Variants in TRIM72 observed in about 807,000 individuals in gnomAD.
TRIM72 encodes the protein tripartite motif containing 72, also known as tripartite motif-containing protein 72.
In TRIM72, 33 loss-of-function variants were observed where a neutral mutation model predicts 31.6. The observed-to-expected ratio is 1.04, with a 90% CI of 0.79 to 1.40. TRIM72 has a LOEUF of 1.40. Ranked by LOEUF, TRIM72 falls within the 40% of genes most tolerant of loss-of-function variation. TRIM72 has a pLI of 0.00. For synonymous variants in TRIM72, 301 were observed against 314.4 expected (o/e 0.96, Z 0.45); for missense variants, 666 against 682.7 (o/e 0.98, Z 0.27).
In TRIM72 at chr16:31,222,878, G is replaced by A; in HGVS notation, c.792G>A (p.Gln264=). 2.1e-6 allele frequency: 3 copies of A among 1,449,074 alleles called. No individual in the cohort carries two copies. Among genetic ancestry groups the A allele is most frequent in the Non-Finnish European group, 2.7e-6 (3 of 1,094,944 alleles). The allele number at this position is 1,449,074 out of a possible 1,614,324, so 89.8% of individuals were successfully genotyped here. ...CCCCACCCGCCCGTCTGGACATCCAGCTGCCAATTATCTCAGATGACTTCA... is the reference window on the plus strand; with the variant it reads ...CCCCACCCGCCCGTCTGGACATCCAACTGCCAATTATCTCAGATGACTTCA... ...ESPPPARLDI[Q]LPIISDDFKF... The change falls in exon 6 of 7, where the codon CAG becomes CAA. Residue 264 remains glutamine, a synonymous_variant. Transcript: ENST00000322122.
In TRIM72 at chr16:31,219,710, A is replaced by G. The variant is rs1486452803; in HGVS notation, c.717+191A>G. ...CATAAGGACATTGTATTAAGTGAGC[A>G]CTATTCATATCATAGACATTGTAGG... On this transcript the variant is annotated intron_variant, in intron 4 of 6. Transcript: ENST00000322122. The surrounding 1 kb of genome is among the most constrained non-coding windows in gnomAD (Gnocchi z 4.2). Among the ~76,000 whole-genome samples the G allele has an allele frequency of 6.6e-6, 1 of 152,196 alleles. No homozygotes were observed. The highest frequency in any genetic ancestry group is 1.5e-5 in the Non-Finnish European group (1 of 68,040).
rs924050659 is a variant in TRIM72, at chr16:31,223,942, T to C, written c.860-239T>C. 4.6e-5 allele frequency among the ~76,000 whole-genome samples: 7 copies of C among 151,592 alleles called. No homozygotes were observed. In the South Asian group the frequency reaches 8.3e-4, roughly 18 times the overall value. ...AAACAAAAACAAAAAACAACAACAA[T>C]AACAACAACAAAAACAAAAAGAAAA... is the stretch of plus-strand genomic sequence containing the variant. On this transcript the variant is annotated intron_variant, in intron 6 of 6. Coordinates refer to ENST00000322122, the MANE Select transcript of TRIM72 (RefSeq NM_001008274.4).
At chr16:31,217,366 G>T in intron 2 of TRIM72, 1 of 272,366 alleles carries the variant, frequency 3.7e-6, no homozygotes, top group Non-Finnish European at 7.0e-6. Flanking sequence ...TTGTAGCCTG[G>T]CATGGTTGCT....
At position 31,214,953 on chromosome 16, in the gene TRIM72, C is replaced by T. The variant is rs1432848023; in HGVS notation, c.215C>T (p.Ala72Val). The stretch of plus-strand genomic sequence containing the variant: ...GCACTCAGCACCAACCTGCAGCTGG[C>T]GCGCCTGGTGGAGGGGCTGGCCCAG... ...PQALSTNLQL[A>V]RLVEGLAQVP... Residue 72 changes from alanine (A) to valine (V), a missense_variant, in exon 2 of 7, where the codon GCG becomes GTG. Physicochemically the swap from Ala to Val is moderately conservative, Grantham distance 64 (BLOSUM62 0). Coordinates refer to ENST00000322122, the MANE Select transcript of TRIM72 (RefSeq NM_001008274.4). The T allele has an allele frequency of 1.9e-5, 29 of 1,489,060 alleles. No homozygotes were observed. The highest frequency in any genetic ancestry group is 2.6e-5 in the Non-Finnish European group (29 of 1,127,716). The allele number at this position is 1,489,060 out of a possible 1,614,324, so 92.2% of individuals were successfully genotyped here.
chr16:31,225,146 CG>C lies in TRIM72; in HGVS notation c.*393del, dbSNP rs2079551000. 1.9e-5 allele frequency: 3 copies of C among 155,076 alleles called. No individual in the cohort carries two copies. Among genetic ancestry groups the C allele is most frequent in the African/African-American group, 7.3e-5 (3 of 40,836 alleles). The allele number at this position is 155,076 out of a possible 1,614,324, so 9.6% of individuals were successfully genotyped here. On this transcript the variant is annotated 3_prime_UTR_variant, in exon 7 of 7. Transcript: ENST00000322122. ...TGGAGGTTGCAGTGAGCAGACATTG[CG>C]GCACTGCACTCTAGCCTGGGTGACA... is the stretch of plus-strand genomic sequence containing the variant.
At chr16:31,220,138 T>C (rs1457302715) in intron 4 of TRIM72, among the ~76,000 whole-genome samples, 1 of 150,020 alleles carries the variant, frequency 6.7e-6, no homozygotes, top group Non-Finnish European at 1.5e-5. Flanking sequence ...ACTGCAGCCT[T>C]GTAGGCTCAA....
chr16:31,225,643 C>CTTTTTTTTTTTTTTTTTTTTTTTTTTTTT lies in TRIM72; in HGVS notation c.*914_*915insTTTTTTTTTTTTTTTTTTTTTTTTTTTTT, dbSNP rs1160718865. ...AAATGCTCATTTCTTTTTTTTATTTCTTTTTTTTTTTTTTTTTTTTTTTTT... is the reference window on the plus strand; with the variant it reads ...AAATGCTCATTTCTTTTTTTTATTTCTTTTTTTTTTTTTTTTTTTTTTTTTTTTTTTTTTTTTTTTTTTTTTTTTTTTTT... On this transcript the variant is annotated 3_prime_UTR_variant, in exon 7 of 7. Coordinates refer to ENST00000322122, the MANE Select transcript of TRIM72 (RefSeq NM_001008274.4). 2.5e-5 allele frequency: 2 copies of CTTTTTTTTTTTTTTTTTTTTTTTTTTTTT among 81,092 alleles called. No homozygotes were observed. The highest frequency in any genetic ancestry group is 1.6e-4 in the Admixed American group (1 of 6,430). 5.0% of individuals were successfully genotyped at this position (81,092 alleles called of 1,614,324 possible).
chr16:31,224,051 C>T, intron 6 of TRIM72, 130 bp from the exon 7 acceptor site: 1 of 1,089,928 alleles, frequency 9.2e-7, no homozygotes, highest in Non-Finnish European at 1.3e-6. Context: ...CAGGTGTGAT[C>T]TTGTGGCCCA....
Position 31,219,341 on chromosome 16 carries a change from G to A in TRIM72, c.539G>A (p.Arg180Gln), listed in dbSNP as rs745904502. The A allele has an allele frequency of 5.6e-6, 9 of 1,614,008 alleles. No individual in the cohort carries two copies. Among genetic ancestry groups the A allele is most frequent in the South Asian group, 2.2e-5 (2 of 91,092 alleles). ...GTGGGGGAGCAGCTGGGCAAGATGC[G>A]GGTGTTCCTGGCTGCACTGGAGGGC... ...GAVGEQLGKM[R>Q]VFLAALEGSL... Residue 180 changes from arginine (R) to glutamine (Q), a missense_variant, in exon 4 of 7, where the codon CGG becomes CAG. Coordinates refer to ENST00000322122, the MANE Select transcript of TRIM72 (RefSeq NM_001008274.4). The surrounding 1 kb of genome is among the most constrained non-coding windows in gnomAD (Gnocchi z 4.2).
rs889627445 is a variant in TRIM72, at chr16:31,227,312, C to G, written c.*2557C>G. On this transcript the variant is annotated 3_prime_UTR_variant, in exon 7 of 7. Coordinates refer to ENST00000322122, the MANE Select transcript of TRIM72 (RefSeq NM_001008274.4). Reference sequence around the variant, plus strand: ...TGCTCAAAACTTTCAACAACTCCCTCTTGCCTACAGGATAAAGCCCCCAGT... The same window carrying G: ...TGCTCAAAACTTTCAACAACTCCCTGTTGCCTACAGGATAAAGCCCCCAGT... 2 of 152,244 alleles carry G rather than the reference C, an allele frequency of 1.3e-5. No individual in the cohort carries two copies. Among genetic ancestry groups the G allele is most frequent in the African/African-American group, 4.8e-5 (2 of 41,460 alleles). 9.4% of individuals were successfully genotyped at this position (152,244 alleles called of 1,614,324 possible). A position where few individuals can be genotyped will look rare whatever the true frequency, so the allele number is the denominator to read the frequency against.
rs537085238 is a variant in TRIM72, at chr16:31,219,911, C to A, written c.717+392C>A. On this transcript the variant is annotated intron_variant, in intron 4 of 6. Transcript: ENST00000322122. The surrounding 1 kb of genome is among the most constrained non-coding windows in gnomAD (Gnocchi z 4.2). Reference sequence around the variant, plus strand: ...CCGAGTAGCTGGGACTACAGGCACCCGCCACCACGCCTGGCTAATTTTTTC... The same window carrying A: ...CCGAGTAGCTGGGACTACAGGCACCAGCCACCACGCCTGGCTAATTTTTTC... Among the ~76,000 whole-genome samples the A allele has an allele frequency of 6.6e-6, 1 of 151,252 alleles. No homozygotes were observed. Among genetic ancestry groups the A allele is most frequent in the East Asian group, 2.0e-4 (1 of 5,124 alleles).
rs763684056 is a variant in TRIM72 at position 31,224,539 on chromosome 16, C to T, written c.1218C>T (p.Pro406=). ...EAKEPRALRS[P]ERRPTRIGLY... ...AGGAGCCGCGCGCTCTGCGCAGCCCCGAGAGGCGGCCCACGCGCATTGGCC... is the reference window on the plus strand; with the variant it reads ...AGGAGCCGCGCGCTCTGCGCAGCCCTGAGAGGCGGCCCACGCGCATTGGCC... The change falls in exon 7 of 7, where the codon CCC becomes CCT. Residue 406 remains proline, a synonymous_variant. Transcript: ENST00000322122. The T allele has an allele frequency of 1.3e-6, 2 of 1,525,308 alleles. No homozygotes were observed. Among genetic ancestry groups the T allele is most frequent in the Admixed American group, 4.0e-5 (2 of 49,598 alleles). 94.5% of individuals were successfully genotyped at this position (1,525,308 alleles called of 1,614,324 possible).
chr16:31,222,482 CTTT>C (rs3060409), intron 5 of TRIM72, among the ~76,000 whole-genome samples: 2 of 117,982 alleles, frequency 1.7e-5, no homozygotes, highest in African/African-American at 3.1e-5. Context: ...TCTTCTTCTT[CTTT>C]TTTTTTTTTT....
chr16:31,221,318 G>A (rs1006043895), intron 5 of TRIM72, among the ~76,000 whole-genome samples: 1 of 151,234 alleles, frequency 6.6e-6, no homozygotes, highest in Non-Finnish European at 1.5e-5. Flanking sequence ...GAGAGAAGAA[G>A]GGTATTGCTG....
intron 2 of TRIM72, chr16:31,217,187 C>T (rs1046477400): frequency 2.7e-6 from 2 of 752,470 alleles, no homozygotes; most frequent in Admixed American, 2.9e-5. Flanking sequence ...GGGGACTCTG[C>T]AAACACCGCC....
At position 31,215,181 on chromosome 16, in the gene TRIM72, C is replaced by T. The variant is rs958791410; in HGVS notation, c.390+53C>T. ...GAGGGGCTGTTCGGTGGCACGGGGC[C>T]GATGGGGAGGTCGCTGCAGTGATTT... On this transcript the variant is annotated intron_variant, in intron 2 of 6. Transcript: ENST00000322122. The surrounding 1 kb of genome is among the most constrained non-coding windows in gnomAD (Gnocchi z 6.3). 4 of 1,408,634 alleles carry T rather than the reference C, an allele frequency of 2.8e-6. No individual in the cohort carries two copies. The South Asian group carries it at 4.8e-5, about 17-fold the overall frequency. The allele number at this position is 1,408,634 out of a possible 1,614,324, so 87.3% of individuals were successfully genotyped here.
chr16:31,220,091 T>C (rs923774044), intron 4 of TRIM72, among the ~76,000 whole-genome samples: 4 of 151,758 alleles, frequency 2.6e-5, no homozygotes, highest in African/African-American at 9.7e-5. Flanking sequence ...TCTCACTCTG[T>C]CACCCAGGCT....
rs991989252 is a variant in TRIM72, at chr16:31,227,127, A to C, written c.*2372A>C. 2 of 152,202 alleles carry C rather than the reference A, an allele frequency of 1.3e-5. No individual in the cohort carries two copies. Among genetic ancestry groups the C allele is most frequent in the African/African-American group, 4.8e-5 (2 of 41,448 alleles). The allele number at this position is 152,202 out of a possible 1,614,324, so 9.4% of individuals were successfully genotyped here. On this transcript the variant is annotated 3_prime_UTR_variant, in exon 7 of 7. Coordinates refer to ENST00000322122, the MANE Select transcript of TRIM72 (RefSeq NM_001008274.4). ...AGCTAAGGGATTATTTGGTTGTAAAATCCAACACCATTAATAAAACTGTTA... is the reference window on the plus strand; with the variant it reads ...AGCTAAGGGATTATTTGGTTGTAAACTCCAACACCATTAATAAAACTGTTA...
At chr16:31,220,751 A>G (rs989148226) in intron 4 of TRIM72, 145 bp from the exon 5 acceptor site, 16 of 1,089,326 alleles carry the variant, frequency 1.5e-5, no homozygotes, top group Non-Finnish European at 2.1e-5. Context: ...GATTACAGGC[A>G]TGAGCCACCT....
Sources: allele counts gnomAD v4.1 joint callset (sites outside exome capture counted in the v4.1 genomes callset), GRCh38; gene constraint gnomAD v4.1.1; non-coding constraint Gnocchi (gnomAD v3.1); transcripts MANE v1.5; gene names NCBI Gene and HGNC (gene_info 2026-07-23, HGNC 2026-07-21).